The following FBLN2 variants were observed in gnomAD, a reference collection of about 807,000 sequenced individuals.
FBLN2 encodes the protein fibulin 2.
FBLN2 carries 81 observed loss-of-function variants against 123.7 expected under a neutral mutation model. That is an observed-to-expected ratio of 0.65 (90% CI 0.55 to 0.79). FBLN2 has a LOEUF of 0.79. Among genes scored for constraint, FBLN2 ranks in the 30% least tolerant of loss-of-function variants. The pLI is 0.00. For missense variants in FBLN2, 1,603 were observed against 1,681.3 expected (o/e 0.95, Z 0.81); for synonymous variants, 699 against 701.4 (o/e 1.00, Z 0.05).
chr3:13,571,310 A>C lies in FBLN2; in HGVS notation c.955A>C (p.Ile319Leu). The C allele has an allele frequency of 6.3e-7, 1 of 1,595,708 alleles. No homozygotes were observed. The highest frequency in any genetic ancestry group is 8.5e-7 in the Non-Finnish European group (1 of 1,171,688). ...TTAPAGPSLP[I>L]QEERAEAGAR... ...AGCCCCAGCTGGACCCAGTCTTCCTATCCAGGAGGAGAGGGCAGAAGCTGG... is the reference window on the plus strand; with the variant it reads ...AGCCCCAGCTGGACCCAGTCTTCCTCTCCAGGAGGAGAGGGCAGAAGCTGG... Residue 319 changes from isoleucine to leucine, a missense_variant, in exon 2 of 18, where the codon ATC becomes CTC. Coordinates refer to ENST00000404922, the MANE Select transcript of FBLN2 (RefSeq NM_001004019.2).
chr3:13,563,410 C>G (rs1703662630), intron 1 of FBLN2, among the ~76,000 whole-genome samples: 1 of 152,248 alleles, frequency 6.6e-6, no homozygotes, highest in African/African-American at 2.4e-5. Flanking sequence ...GGAGGTCACT[C>G]TCCATGGTCT....
chr3:13,579,470 C>T (rs962834658), intron 2 of FBLN2, among the ~76,000 whole-genome samples: 3 of 152,236 alleles, frequency 2.0e-5, no homozygotes, highest in Admixed American at 1.3e-4. Flanking sequence ...GGGCCAGGAC[C>T]ACACTTGAGA....
At chr3:13,607,785 C>A (rs1705256600) in intron 2 of FBLN2, among the ~76,000 whole-genome samples, 1 of 152,108 alleles carries the variant, frequency 6.6e-6, no homozygotes, top group Non-Finnish European at 1.5e-5. Flanking sequence ...GTGTGAGTGG[C>A]CCCCATAGAA....
chr3:13,613,710 G>T (rs1292111948), intron 4 of FBLN2, among the ~76,000 whole-genome samples: 1 of 152,202 alleles, frequency 6.6e-6, no homozygotes, highest in African/African-American at 2.4e-5. Flanking sequence ...GGGTTTGCTA[G>T]TAAACATGAG....
intron 1 of FBLN2, among the ~76,000 whole-genome samples, chr3:13,554,535 CTCTGTCTCTTG>C (rs1446431672): frequency 6.6e-6 from 1 of 151,786 alleles, no homozygotes; most frequent in Non-Finnish European, 1.5e-5. Flanking sequence ...CTCTCTTTCT[CTCTGTCTCTTG>C]TCTGTCTCTG....
At chr3:13,550,188 G>A (rs1382335064) in intron 1 of FBLN2, among the ~76,000 whole-genome samples, 2 of 152,212 alleles carry the variant, frequency 1.3e-5, no homozygotes, top group Admixed American at 6.5e-5. Flanking sequence ...GTCCTAGGGG[G>A]TGGGGAGCCG....
rs80355853 is a variant in FBLN2 at position 13,575,453 on chromosome 3, C to T, written c.1306+3792C>T. Reference sequence around the variant, plus strand: ...CTGCAGCTGCCTGTCCCTGCCCTAACTCTGGTCTCTGGGCCTTTGCGTTTG... The same window carrying T: ...CTGCAGCTGCCTGTCCCTGCCCTAATTCTGGTCTCTGGGCCTTTGCGTTTG... On this transcript the variant is annotated intron_variant, in intron 2 of 17. Coordinates refer to ENST00000404922, the MANE Select transcript of FBLN2 (RefSeq NM_001004019.2). 8.5e-3 allele frequency among the ~76,000 whole-genome samples: 1,292 copies of T among 152,270 alleles called. 14 individuals are homozygous for T. Among genetic ancestry groups the T allele is most frequent in the African/African-American group, 0.029 (1,201 of 41,520 alleles).
intron 2 of FBLN2, among the ~76,000 whole-genome samples, chr3:13,586,156 T>C (rs1016395370): frequency 5.9e-5 from 9 of 152,108 alleles, no homozygotes; most frequent in Admixed American, 1.3e-4. Context: ...CCTAGGCTAG[T>C]GTGTGTGTTT....
intron 16 of FBLN2, among the ~76,000 whole-genome samples, chr3:13,635,200 T>C (rs553040313): frequency 2.2e-4 from 33 of 152,026 alleles, no homozygotes; most frequent in Non-Finnish European, 4.0e-4. Flanking sequence ...ATATGGAGGA[T>C]TGGAAAACAA....
intron 2 of FBLN2, among the ~76,000 whole-genome samples, chr3:13,595,360 G>A (rs953155654): frequency 6.6e-6 from 1 of 152,266 alleles, no homozygotes; most frequent in South Asian, 2.1e-4. Context: ...GGCAGAGCCC[G>A]CTGCCTGGCC....
chr3:13,611,385 T>A (rs555586034), intron 4 of FBLN2, among the ~76,000 whole-genome samples: 2 of 152,172 alleles, frequency 1.3e-5, no homozygotes, highest in African/African-American at 4.8e-5. Context: ...AGGAACTTTC[T>A]TATCTTCTCA....
chr3:13,636,407 G>C (rs1199098103), intron 16 of FBLN2, 38 bp from the exon 17 acceptor site: 2 of 1,608,246 alleles, frequency 1.2e-6, no homozygotes, highest in Middle Eastern at 1.7e-4. Flanking sequence ...GGGTCCCCCA[G>C]CTGTGGGGAC....
intron 3 of FBLN2, 65 bp downstream of exon 3, chr3:13,608,238 A>G: frequency 1.7e-6 from 2 of 1,209,282 alleles, no homozygotes; most frequent in Non-Finnish European, 1.2e-6. Context: ...CTGCTTGCCT[A>G]GGACCCCAGG....
At chr3:13,590,425 A>G (rs970925962) in intron 2 of FBLN2, among the ~76,000 whole-genome samples, 1 of 152,306 alleles carries the variant, frequency 6.6e-6, no homozygotes, top group Admixed American at 6.5e-5. Context: ...TCCCAGGTTC[A>G]AGTGATTCTC....
intron 2 of FBLN2, among the ~76,000 whole-genome samples, chr3:13,596,565 C>G (rs1452091440): frequency 6.6e-6 from 1 of 152,200 alleles, no homozygotes; most frequent in Non-Finnish European, 1.5e-5. Context: ...TTTTTTAAAT[C>G]ACATAACATG....
chr3:13,616,120 T>C (rs142468292), intron 5 of FBLN2, among the ~76,000 whole-genome samples: 139 of 152,272 alleles, frequency 9.1e-4, no homozygotes, highest in African/African-American at 3.1e-3. Context: ...AGAACAGATG[T>C]ACCAACCACC....
chr3:13,636,123 G>A (rs73042969), intron 16 of FBLN2, among the ~76,000 whole-genome samples: 102,215 of 152,016 alleles, frequency 0.67, 34,667 homozygotes, highest in East Asian at 0.9. Flanking sequence ...CAGGACTGTG[G>A]CCTCTGTGGA....
At chr3:13,593,986 C>T (rs1704761289) in intron 2 of FBLN2, among the ~76,000 whole-genome samples, 1 of 152,214 alleles carries the variant, frequency 6.6e-6, no homozygotes, top group African/African-American at 2.4e-5. Context: ...TTTACCTCCA[C>T]TTCAGAGTTG....
intron 1 of FBLN2, among the ~76,000 whole-genome samples, chr3:13,556,819 C>G (rs1703476654): frequency 1.3e-5 from 2 of 152,208 alleles, no homozygotes; most frequent in African/African-American, 2.4e-5. Flanking sequence ...GCAGGGGCCC[C>G]TTTGCACAGG....
Sources: allele counts gnomAD v4.1 joint callset (sites outside exome capture counted in the v4.1 genomes callset), GRCh38; gene constraint gnomAD v4.1.1; transcripts MANE v1.5; gene names NCBI Gene and HGNC (gene_info 2026-07-23, HGNC 2026-07-21).